The following ECI2 variants were observed in gnomAD, a reference collection of about 807,000 sequenced individuals.
ECI2 encodes the protein enoyl-CoA delta isomerase 2.
A neutral mutation model predicts 38.4 loss-of-function variants in ECI2; 27 were observed. The observed-to-expected ratio is 0.70, with a 90% CI of 0.52 to 0.97. ECI2 has a LOEUF of 0.97. ECI2 is among the 50% of genes least tolerant of loss of function. The pLI is 0.00. For missense variants in ECI2, 470 were observed against 474.4 expected (o/e 0.99, Z 0.09); for synonymous variants, 168 against 172.0 (o/e 0.98, Z 0.18).
chr6:4,115,737 TG>T lies in ECI2; in HGVS notation c.*136del. The T allele has an allele frequency of 7.6e-7, 1 of 1,315,704 alleles. No homozygotes were observed. The highest frequency in any genetic ancestry group is 2.1e-5 in the Admixed American group (1 of 47,722). 81.5% of individuals were successfully genotyped at this position (1,315,704 alleles called of 1,614,324 possible). Reference sequence around the variant, plus strand: ...TACAAAACTTTTTATTCATCAGAGCTGTAGTGAAATATCATCATTGTAATTG... The same window carrying T: ...TACAAAACTTTTTATTCATCAGAGCTTAGTGAAATATCATCATTGTAATTG... On this transcript the variant is annotated 3_prime_UTR_variant, in exon 10 of 10. Transcript: ENST00000380118.
rs1773591455 is a variant in ECI2, at chr6:4,133,565, T to C, written c.197A>G (p.Tyr66Cys). ...GGCATTTACCTGCTTATATAGCGCGTAGAGTTTTAGCTTCACTTCGTTTCC... is the reference window on the plus strand; with the variant it reads ...GGCATTTACCTGCTTATATAGCGCGCAGAGTTTTAGCTTCACTTCGTTTCC... ...DPGNEVKLKL[Y>C]ALYKQATEGP... is the part of the protein sequence containing the mutation. The change falls in exon 2 of 10, where the codon TAC becomes TGC. Residue 66 changes from tyrosine (Y) to cysteine (C), a missense_variant. Physicochemically the swap from Tyr to Cys is radical, Grantham distance 194. Transcript: ENST00000380118. 4 of 1,612,928 alleles carry C rather than the reference T, an allele frequency of 2.5e-6. No individual in the cohort carries two copies. In the African/African-American group the frequency reaches 4.0e-5, roughly 16 times the overall value.
chr6:4,131,294 G>A (rs1323116697), intron 2 of ECI2, among the ~76,000 whole-genome samples: 2 of 152,124 alleles, frequency 1.3e-5, no homozygotes, highest in East Asian at 3.8e-4. Context: ...CACTAATTCA[G>A]TGGTGGACTT....
rs760782278 is a variant in ECI2 at position 4,135,330 on chromosome 6, G to T, written c.50+181C>A. On this transcript the variant is annotated intron_variant, in intron 1 of 9. Coordinates refer to ENST00000380118, the MANE Select transcript of ECI2 (RefSeq NM_206836.3). ...TCCTGACCACTCCGGGCCCAGCGGTGCAGGAGGGCGCGCGTGAGGTCGTCA... is the reference window on the plus strand; with the variant it reads ...TCCTGACCACTCCGGGCCCAGCGGTTCAGGAGGGCGCGCGTGAGGTCGTCA... 2.7e-6 allele frequency: 4 copies of T among 1,462,596 alleles called. No individual in the cohort carries two copies. The East Asian group carries it at 1.0e-4, about 37-fold the overall frequency. The allele number at this position is 1,462,596 out of a possible 1,614,324, so 90.6% of individuals were successfully genotyped here. A position where few individuals can be genotyped will look rare whatever the true frequency, so the allele number is the denominator to read the frequency against.
At chr6:4,127,650 G>A in intron 5 of ECI2, 112 bp downstream of exon 5, 1 of 1,022,944 alleles carries the variant, frequency 9.8e-7, no homozygotes, top group Non-Finnish European at 1.4e-6. Flanking sequence ...CCTGACCTCG[G>A]GAGCCACCTG....
At position 4,115,859 on chromosome 6, in the gene ECI2, C is replaced by T; in HGVS notation, c.*15G>A. ...CATCCTTCCTTGGACATGCTTTACTCTGCTGTAGTGGTCATCACAGTTTTG... is the reference window on the plus strand; with the variant it reads ...CATCCTTCCTTGGACATGCTTTACTTTGCTGTAGTGGTCATCACAGTTTTG... On this transcript the variant is annotated 3_prime_UTR_variant, in exon 10 of 10. Coordinates refer to ENST00000380118, the MANE Select transcript of ECI2 (RefSeq NM_206836.3). 1 of 1,605,116 alleles carries T rather than the reference C, an allele frequency of 6.2e-7. No homozygotes were observed. Among genetic ancestry groups the T allele is most frequent in the Admixed American group, 1.7e-5 (1 of 59,030 alleles).
rs758786677 is a variant in ECI2, at chr6:4,133,655, A to C, written c.107T>G (p.Met36Arg). Residue 36 changes from methionine to arginine, a missense_variant, in exon 2 of 10, where the codon ATG (methionine) becomes AGG (arginine). By Grantham distance (91) the Met-to-Arg change is moderately conservative (BLOSUM62 -1). Transcript: ENST00000380118. ...TTCAAAGTCCTTCTGACTGGCTCTC[A>C]TTGCTGTTCTATTCATGTGCAGCTG... ...VVQLHMNRTAMRASQKDFENS... is the reference protein window; with the variant it reads ...VVQLHMNRTARRASQKDFENS... The C allele has an allele frequency of 6.2e-7, 1 of 1,613,890 alleles. No individual in the cohort carries two copies. The highest frequency in any genetic ancestry group is 8.5e-7 in the Non-Finnish European group (1 of 1,179,954).
intron 5 of ECI2, among the ~76,000 whole-genome samples, chr6:4,127,290 A>G (rs1476749400): frequency 6.7e-6 from 1 of 150,082 alleles, no homozygotes; most frequent in African/African-American, 2.5e-5. Flanking sequence ...TGGTGGACAT[A>G]TGTGTCTTAA....
intron 8 of ECI2, chr6:4,118,555 G>A (rs584585): frequency 0.3 from 45,026 of 152,194 alleles, 6,812 homozygotes; most frequent in East Asian, 0.36. Context: ...CTCAGCTTCT[G>A]GTCTTGTCAC....
chr6:4,126,290 A>C, intron 5 of ECI2, 53 bp from the exon 6 acceptor site: 1 of 1,463,506 alleles, frequency 6.8e-7, no homozygotes, highest in East Asian at 2.3e-5. Flanking sequence ...ATAATTCTTG[A>C]GTATCTACTG....
chr6:4,125,404 G>A (rs1178147255), intron 6 of ECI2, 34 bp from the exon 7 acceptor site: 1 of 1,612,544 alleles, frequency 6.2e-7, no homozygotes, highest in East Asian at 2.2e-5. Flanking sequence ...CATTAAATGT[G>A]CCAAAGCAGC....
intron 5 of ECI2, 91 bp downstream of exon 5, chr6:4,127,671 C>T: frequency 2.2e-6 from 3 of 1,359,932 alleles, no homozygotes; most frequent in Non-Finnish European, 2.0e-6. Flanking sequence ...CCTCGGCCTC[C>T]AGGTCTTAGA....
intron 7 of ECI2, among the ~76,000 whole-genome samples, chr6:4,122,912 G>T (rs1183296667): frequency 6.6e-6 from 1 of 152,160 alleles, no homozygotes; most frequent in African/African-American, 2.4e-5. Context: ...ACCACTCAAA[G>T]ATTTATTATT....
chr6:4,118,878 C>A, intron 8 of ECI2: 1 of 227,772 alleles, frequency 4.4e-6, no homozygotes, highest in Admixed American at 5.2e-5. Context: ...CTTCAAGTGA[C>A]TAATGCCACA....
intron 5 of ECI2, among the ~76,000 whole-genome samples, chr6:4,126,799 T>C (rs1773191474): frequency 6.6e-6 from 1 of 152,236 alleles, no homozygotes; most frequent in Non-Finnish European, 1.5e-5. Flanking sequence ...AGTATGTTTC[T>C]GAGTGTGTGT....
chr6:4,123,031 C>T (rs534154076), intron 7 of ECI2, among the ~76,000 whole-genome samples: 1 of 152,170 alleles, frequency 6.6e-6, no homozygotes, highest in African/African-American at 2.4e-5. Flanking sequence ...ATTAAATGTA[C>T]TGATTAATAT....
At chr6:4,127,532 A>G (rs2113995774) in intron 5 of ECI2, among the ~76,000 whole-genome samples, 1 of 148,272 alleles carries the variant, frequency 6.7e-6, no homozygotes, top group Non-Finnish European at 1.5e-5. Flanking sequence ...CTCCTGCCTC[A>G]GCCTCCTGAG....
At position 4,119,210 on chromosome 6, in the gene ECI2, A is replaced by G. The variant is rs776058779; in HGVS notation, c.861T>C (p.Phe287=). Residue 287 remains phenylalanine, a synonymous_variant, in exon 8 of 10, where the codon TTT becomes TTC. Coordinates refer to ENST00000380118, the MANE Select transcript of ECI2 (RefSeq NM_206836.3). ...CCTTGGCTGGGCTCATTATCTTCGG[A>G]AAAGTGTAAGAGGAGCATCCTTCCG... The part of the protein sequence containing the change: ...QSPEGCSSYT[F]PKIMSPAKAT... The G allele has an allele frequency of 6.2e-7, 1 of 1,613,610 alleles. No homozygotes were observed. Among genetic ancestry groups the G allele is most frequent in the South Asian group, 1.1e-5 (1 of 90,978 alleles).
chr6:4,119,580 C>T (rs372640089), intron 7 of ECI2, among the ~76,000 whole-genome samples: 3 of 152,156 alleles, frequency 2.0e-5, no homozygotes, highest in African/African-American at 7.2e-5. Context: ...CTCGGCCTCC[C>T]AAAGTGCTAG....
intron 4 of ECI2, 114 bp downstream of exon 4, chr6:4,130,258 A>G (rs1271700488): frequency 1.2e-6 from 2 of 1,613,518 alleles, no homozygotes; most frequent in Non-Finnish European, 1.7e-6. Flanking sequence ...TCCTGCACAA[A>G]TCAAACAAGA....
Sources: allele counts gnomAD v4.1 joint callset (sites outside exome capture counted in the v4.1 genomes callset), GRCh38; gene constraint gnomAD v4.1.1; transcripts MANE v1.5; gene names NCBI Gene and HGNC (gene_info 2026-07-23, HGNC 2026-07-21).